Variants in UGT1A9 observed in about 807,000 individuals in gnomAD.
UGT1A9 encodes the protein UDP glucuronosyltransferase family 1 member A9, also known as UDP-glucuronosyltransferase 1A9.
In UGT1A9, 35 loss-of-function variants were observed where a neutral mutation model predicts 45.0. The ratio of observed to expected loss-of-function variants is 0.78; its 90% CI spans 0.59 to 1.03. UGT1A9 has a LOEUF of 1.03. Ranked by LOEUF, UGT1A9 falls within the 50% of genes least tolerant of loss-of-function variation. The pLI is 0.00. For missense variants in UGT1A9, 687 were observed against 666.6 expected, an observed-to-expected ratio of 1.03 and a Z score of -0.34; for synonymous variants, 278 against 250.6, an observed-to-expected ratio of 1.11 and a Z score of -1.03.
rs548170918 is a variant in UGT1A9, at chr2:233,735,411, T to G, written c.856-31623T>G. ...TTTTGAGCCTATGTGTGTCTCTGCA[T>G]GTGAGATAGGCCTCCTGAATACAGC... On this transcript the variant is annotated intron_variant, in intron 1 of 4. Coordinates refer to ENST00000354728, the MANE Select transcript of UGT1A9 (RefSeq NM_021027.3). 2.6e-5 allele frequency among the ~76,000 whole-genome samples: 4 copies of G among 152,294 alleles called. 1 individual carries two copies. In the Middle Eastern group the frequency reaches 0.014, roughly 518 times the overall value.
intron 1 of UGT1A9, among the ~76,000 whole-genome samples, 177 bp downstream of exon 1, chr2:233,672,966 C>A (rs1002609299): frequency 1.3e-5 from 2 of 152,144 alleles, no homozygotes; most frequent in Non-Finnish European, 2.9e-5. Context: ...TATAAAACTG[C>A]CCTTCTTGAA....
chr2:233,673,817 T>A (rs1433615483), intron 1 of UGT1A9, among the ~76,000 whole-genome samples: 1 of 152,212 alleles, frequency 6.6e-6, no homozygotes, highest in African/African-American at 2.4e-5. Flanking sequence ...ACTTATCTTA[T>A]TATTTTGTAG....
chr2:233,727,755 T>C (rs79983684), intron 1 of UGT1A9, among the ~76,000 whole-genome samples: 5,633 of 152,308 alleles, frequency 0.037, 134 homozygotes, highest in Non-Finnish European at 0.057. Context: ...TGTGCTGCCC[T>C]TGAGCTGGGT....
intron 1 of UGT1A9, chr2:233,719,286 C>G (rs1465114425): frequency 6.2e-7 from 1 of 1,613,964 alleles, no homozygotes; most frequent in African/African-American, 1.3e-5. Flanking sequence ...CCCCGTTAAC[C>G]TCTGTGGGGC....
At chr2:233,743,354 T>C in intron 1 of UGT1A9, 1 of 972,108 alleles carries the variant, frequency 1.0e-6, no homozygotes, top group Non-Finnish European at 1.5e-6. Context: ...GACATGGACT[T>C]GAAGCTGCCT....
At position 233,706,233 on chromosome 2, in the gene UGT1A9, G is replaced by A. The variant is rs181883669; in HGVS notation, c.855+33444G>A. Among the ~76,000 whole-genome samples, 10 of 152,360 alleles carry A rather than the reference G, an allele frequency of 6.6e-5. No homozygotes were observed. In the East Asian group the frequency reaches 1.9e-3, roughly 29 times the overall value. On this transcript the variant is annotated intron_variant, in intron 1 of 4. Coordinates refer to ENST00000354728, the MANE Select transcript of UGT1A9 (RefSeq NM_021027.3). ...CCCAGGCAGGGGCAAATGTGCAGCT[G>A]GGAGAGTGAGAGAACCAGGGCAGCT...
intron 1 of UGT1A9, among the ~76,000 whole-genome samples, chr2:233,684,467 G>GT (rs1162834640): frequency 1.3e-5 from 2 of 152,216 alleles, no homozygotes; most frequent in Non-Finnish European, 2.9e-5. Flanking sequence ...CCCATGCTGA[G>GT]TTTGTTGTGG....
intron 1 of UGT1A9, among the ~76,000 whole-genome samples, chr2:233,766,091 G>A (rs558812390): frequency 4.6e-5 from 7 of 152,254 alleles, no homozygotes; most frequent in African/African-American, 1.7e-4. Flanking sequence ...AAGGACAGAG[G>A]GCTTTCTGTA....
intron 1 of UGT1A9, among the ~76,000 whole-genome samples, chr2:233,751,848 C>G (rs1317042286): frequency 6.6e-6 from 1 of 152,136 alleles, no homozygotes. Context: ...GTCATTTAAA[C>G]CTTTGTCTTT....
chr2:233,718,144 T>C (rs2076632951), intron 1 of UGT1A9: 2 of 232,512 alleles, frequency 8.6e-6, no homozygotes, highest in Non-Finnish European at 1.8e-5. Context: ...GAATCCTCAA[T>C]AAAGCCTTCC....
At chr2:233,726,128 C>T (rs2077506214) in intron 1 of UGT1A9, among the ~76,000 whole-genome samples, 1 of 152,282 alleles carries the variant, frequency 6.6e-6, no homozygotes, top group African/African-American at 2.4e-5. Flanking sequence ...TTCACACCAC[C>T]TCACTCCAGC....
intron 1 of UGT1A9, among the ~76,000 whole-genome samples, chr2:233,721,219 T>C (rs535662083): frequency 2.0e-5 from 3 of 152,354 alleles, no homozygotes; most frequent in African/African-American, 7.2e-5. Flanking sequence ...TTTCCCCTTA[T>C]GCAATGTAGT....
chr2:233,759,816 G>T (rs540177588), intron 1 of UGT1A9, among the ~76,000 whole-genome samples: 2 of 152,284 alleles, frequency 1.3e-5, no homozygotes, highest in East Asian at 3.9e-4. Context: ...AGGCAGTACC[G>T]GGGGAGCTGT....
chr2:233,760,886 AT>A (rs763109127), intron 1 of UGT1A9: 1 of 1,613,934 alleles, frequency 6.2e-7, no homozygotes, highest in East Asian at 2.2e-5. Context: ...CTCTCCTCTC[AT>A]TCAGATCACA....
In UGT1A9 at chr2:233,729,271, C is replaced by T. The variant is rs45595237; in HGVS notation, c.856-37763C>T. ...CTGGCTCAGCATGCGGGAGGTCTTGCGGGAGCTCCATGCCAGAGGCCACCA... is the reference window on the plus strand; with the variant it reads ...CTGGCTCAGCATGCGGGAGGTCTTGTGGGAGCTCCATGCCAGAGGCCACCA... On this transcript the variant is annotated intron_variant, in intron 1 of 4. Transcript: ENST00000354728. The T allele has an allele frequency of 1.2e-3, 1,887 of 1,614,166 alleles. 14 individuals are homozygous for T. The African/African-American group carries it at 0.018, about 15-fold the overall frequency.
At chr2:233,760,603 C>T in intron 1 of UGT1A9, 1 of 1,614,202 alleles carries the variant, frequency 6.2e-7, no homozygotes, top group Non-Finnish European at 8.5e-7. Context: ...TGATTCTTTC[C>T]TGCAGCGTGT....
At chr2:233,676,171 A>C (rs1332547872) in intron 1 of UGT1A9, among the ~76,000 whole-genome samples, 2 of 152,142 alleles carry the variant, frequency 1.3e-5, no homozygotes, top group Non-Finnish European at 2.9e-5. Flanking sequence ...CATTTGTGGA[A>C]ATCATCCAGC....
chr2:233,760,501 G>T, intron 1 of UGT1A9: 2 of 1,614,238 alleles, frequency 1.2e-6, no homozygotes, highest in East Asian at 2.2e-5. Context: ...CAGAGACGGA[G>T]CATTTTACAC....
In UGT1A9 at chr2:233,769,690, G is replaced by A; in HGVS notation, c.1295+1251G>A. ...GTGCTAATGTGTGTGTGGTGGCACT[G>A]GATAAAAGATCAATGTTGGCTAGGC... On this transcript the variant is annotated intron_variant, in intron 4 of 4. Transcript: ENST00000354728. The surrounding 1 kb of genome is among the most constrained non-coding windows in gnomAD (Gnocchi z 4.4). The A allele has an allele frequency of 6.5e-7, 1 of 1,547,510 alleles. No homozygotes were observed. Among genetic ancestry groups the A allele is most frequent in the African/African-American group, 1.4e-5 (1 of 73,636 alleles).
Sources: allele counts gnomAD v4.1 joint callset (sites outside exome capture counted in the v4.1 genomes callset), GRCh38; gene constraint gnomAD v4.1.1; non-coding constraint Gnocchi (gnomAD v3.1); transcripts MANE v1.5; gene names NCBI Gene and HGNC (gene_info 2026-07-23, HGNC 2026-07-21).